Variants in EIF4G3 observed in about 807,000 individuals in gnomAD.
EIF4G3 encodes the protein eIF-4-gamma 3.
In EIF4G3, 34 loss-of-function variants were observed where a neutral mutation model predicts 186.4. The observed-to-expected ratio is 0.18, with a 90% CI of 0.14 to 0.24. The LOEUF is 0.24. EIF4G3 is among the 10% of genes least tolerant of loss of function. The pLI is 1.00. For missense variants in EIF4G3, 1,536 were observed against 1,948.5 expected (o/e 0.79, Z 3.99); for synonymous variants, 673 against 679.5 (o/e 0.99, Z 0.15).
chr1:21,115,505 C>T (rs79288427), intron 2 of EIF4G3, among the ~76,000 whole-genome samples: 17,563 of 152,160 alleles, frequency 0.12, 1,405 homozygotes, highest in Non-Finnish European at 0.17. Context: ...CATTCAGTTG[C>T]CACAAACCTT....
intron 2 of EIF4G3, among the ~76,000 whole-genome samples, chr1:21,137,434 C>G (rs2097265426): frequency 6.6e-6 from 1 of 152,030 alleles, no homozygotes; most frequent in South Asian, 2.1e-4. Context: ...GACACTGCAC[C>G]TGGTCTCAAA....
intron 2 of EIF4G3, among the ~76,000 whole-genome samples, chr1:21,156,758 C>T (rs979039273): frequency 1.3e-5 from 2 of 152,096 alleles, no homozygotes; most frequent in Non-Finnish European, 2.9e-5. Flanking sequence ...ACAGGATGTA[C>T]CTCAGCAAAA....
intron 11 of EIF4G3, among the ~76,000 whole-genome samples, chr1:20,970,783 G>A (rs527726005): frequency 5.6e-4 from 86 of 152,232 alleles, no homozygotes; most frequent in Non-Finnish European, 1.1e-3. Context: ...GGCCAACATG[G>A]TGAAACCCTG....
At chr1:20,902,605 TA>T (rs995310824) in intron 15 of EIF4G3, among the ~76,000 whole-genome samples, 2 of 152,134 alleles carry the variant, frequency 1.3e-5, no homozygotes, top group Admixed American at 1.3e-4. Flanking sequence ...AAAAAGCAAA[TA>T]TTTTTTGTCT....
chr1:21,065,565 G>GT (rs1402535653), intron 3 of EIF4G3, among the ~76,000 whole-genome samples: 3 of 151,612 alleles, frequency 2.0e-5, no homozygotes, highest in Non-Finnish European at 4.4e-5. Context: ...AAAAACAGTG[G>GT]TGGGGCGGCG....
intron 2 of EIF4G3, among the ~76,000 whole-genome samples, chr1:21,119,475 G>A (rs1163665740): frequency 6.6e-6 from 1 of 152,008 alleles, no homozygotes; most frequent in Non-Finnish European, 1.5e-5. Context: ...GAATAATATA[G>A]CCCCAAAGGG....
chr1:20,865,031 G>C lies in EIF4G3; in HGVS notation c.2769+85C>G. ...GCCATAGGTCCCTCTTAAGGTAGCA[G>C]GGAGATGCTGTATCTAGCTTCCTGA... On this transcript the variant is annotated intron_variant, in intron 21 of 36. Transcript: ENST00000602326. 7 of 1,477,588 alleles carry C rather than the reference G, an allele frequency of 4.7e-6. No individual in the cohort carries two copies. In the South Asian group the frequency reaches 6.3e-5, roughly 13 times the overall value. The allele number at this position is 1,477,588 out of a possible 1,614,324, so 91.5% of individuals were successfully genotyped here.
At chr1:21,044,649 GT>G (rs58303546) in intron 4 of EIF4G3, among the ~76,000 whole-genome samples, 25 of 124,170 alleles carry the variant, frequency 2.0e-4, no homozygotes, top group African/African-American at 5.0e-4. Context: ...TTTTTTTTTT[GT>G]TTTTTTTTTT....
chr1:20,848,436 T>C (rs1407163557), intron 29 of EIF4G3, among the ~76,000 whole-genome samples: 2 of 152,214 alleles, frequency 1.3e-5, no homozygotes, highest in Admixed American at 6.5e-5. Context: ...CTAAGACCTA[T>C]AGGTCTACTA....
At chr1:21,034,433 G>A (rs7535747) in intron 4 of EIF4G3, among the ~76,000 whole-genome samples, 4,983 of 152,094 alleles carry the variant, frequency 0.033, 269 homozygotes, top group African/African-American at 0.11. Context: ...TATTTAATGA[G>A]CAGTACTCTA....
intron 4 of EIF4G3, among the ~76,000 whole-genome samples, chr1:21,009,377 G>A (rs1161879531): frequency 6.6e-6 from 1 of 151,902 alleles, no homozygotes; most frequent in Admixed American, 6.6e-5. Context: ...ATAGGGTCTT[G>A]CCAATGTTGC....
chr1:21,117,232 T>G (rs932856561), intron 2 of EIF4G3, among the ~76,000 whole-genome samples: 8 of 152,164 alleles, frequency 5.3e-5, no homozygotes, highest in Non-Finnish European at 1.0e-4. Flanking sequence ...CCTTTTCATC[T>G]TATCTAACAT....
chr1:20,817,240 TA>T (rs1260636833), intron 34 of EIF4G3, 151 bp downstream of exon 34: 19 of 195,246 alleles, frequency 9.7e-5, no homozygotes, highest in African/African-American at 2.3e-4. Context: ...AATGATCAAT[TA>T]AAAAAAAAAA....
At chr1:21,127,698 C>A (rs1376992333) in intron 2 of EIF4G3, among the ~76,000 whole-genome samples, 1 of 152,100 alleles carries the variant, frequency 6.6e-6, no homozygotes, top group East Asian at 1.9e-4. Flanking sequence ...TTACATTGTA[C>A]TACAAGGCAC....
rs368799178 is a variant in EIF4G3, at chr1:20,981,184, G to A, written c.242C>T (p.Pro81Leu). 30 of 1,613,524 alleles carry A rather than the reference G, an allele frequency of 1.9e-5. No homozygotes were observed. Among genetic ancestry groups the A allele is most frequent in the East Asian group, 6.7e-5 (3 of 44,888 alleles). ...AGGACGAATGGAAGGACTGCTGTTC[G>A]GGATGGTAGCTCTAGGAGGCTGTAT... Reference protein sequence around the residue: ...PQIQPPRATIPNSSPSIRPGA... With the variant: ...PQIQPPRATILNSSPSIRPGA... The change falls in exon 9 of 37, where the codon CCG becomes CTG. Residue 81 changes from proline (P) to leucine (L), a missense_variant. Physicochemically the swap from Pro to Leu is moderately conservative, Grantham distance 98. Transcript: ENST00000602326.
intron 4 of EIF4G3, among the ~76,000 whole-genome samples, chr1:21,026,521 A>G (rs1383272052): frequency 4.2e-5 from 2 of 47,708 alleles, no homozygotes; most frequent in African/African-American, 1.4e-4. Flanking sequence ...GGCAGAAGCA[A>G]AAAAAAAAAA....
chr1:20,952,708 G>A (rs1011654695), intron 12 of EIF4G3, among the ~76,000 whole-genome samples: 2 of 152,138 alleles, frequency 1.3e-5, no homozygotes, highest in Admixed American at 1.3e-4. Context: ...AATTAGCCAG[G>A]AGTGGTGGCA....
chr1:21,060,526 GTGTGAAAAGATCGAA>G (rs1447405615), intron 3 of EIF4G3, among the ~76,000 whole-genome samples: 1 of 152,218 alleles, frequency 6.6e-6, no homozygotes, highest in Admixed American at 6.5e-5. Flanking sequence ...AAAAGCAGGA[GTGTGAAAAGATCGAA>G]TGTTTTCCAA....
intron 12 of EIF4G3, among the ~76,000 whole-genome samples, chr1:20,964,788 T>A (rs1343120285): frequency 2.0e-5 from 3 of 152,210 alleles, no homozygotes; most frequent in Non-Finnish European, 2.9e-5. Flanking sequence ...ACATATCCCA[T>A]AGCTGCTGAC....
Sources: gnomAD v4.1 joint callset for allele counts (sites outside exome capture counted in the v4.1 genomes callset) on GRCh38, gnomAD v4.1.1 for gene constraint, MANE v1.5 for transcripts, NCBI Gene and HGNC (gene_info 2026-07-23, HGNC 2026-07-21) for gene names.